DOCK8: variants seen among roughly 807,000 people sequenced by gnomAD.
DOCK8 encodes the protein dedicator of cytokinesis 8, also known as dedicator of cytokinesis protein 8.
In DOCK8, 141 loss-of-function variants were observed where a neutral mutation model predicts 245.6. The observed-to-expected ratio is 0.57, with a 90% CI of 0.50 to 0.66. The LOEUF is 0.66. Ranked by LOEUF, DOCK8 falls within the 30% of genes least tolerant of loss-of-function variation. The pLI, the probability that DOCK8 is intolerant of heterozygous loss-of-function variation, is 0.00. For missense variants in DOCK8, 2,965 were observed against 2,603.4 expected (o/e 1.14, Z -3.02); for synonymous variants, 1,168 against 970.2 (o/e 1.20, Z -3.79).
Position 289,590 on chromosome 9 carries a change from CT to C in DOCK8, c.404+16del, listed in dbSNP as rs727505303. On this transcript the variant is annotated intron_variant, in intron 4 of 47. Transcript: ENST00000432829. ...CTAATCGTGAACCGGAAGTAAGTTA[CT>C]TTTTTTCCACTTTTTGTATATAAAT... 0.032 allele frequency: 51,831 copies of C among 1,607,164 alleles called. 1,012 individuals are homozygous for C. Among genetic ancestry groups the C allele is most frequent in the South Asian group, 0.062 (5,584 of 89,526 alleles).
At chr9:319,615 C>T (rs1295139524) in intron 7 of DOCK8, among the ~76,000 whole-genome samples, 3 of 152,044 alleles carry the variant, frequency 2.0e-5, no homozygotes, top group Non-Finnish European at 4.4e-5. Context: ...TTCCCATTTA[C>T]ATTGATATGT....
intron 2 of DOCK8, among the ~76,000 whole-genome samples, chr9:272,502 C>T (rs7856826): frequency 0.037 from 5,601 of 152,220 alleles, 321 homozygotes; most frequent in African/African-American, 0.13. Context: ...CCTCCCACCT[C>T]ATCCTCCCAA....
chr9:280,835 T>C (rs1312801808), intron 2 of DOCK8: 1 of 152,210 alleles, frequency 6.6e-6, no homozygotes, highest in Admixed American at 6.5e-5. Context: ...TCTGAAAACA[T>C]ACTGGAAAGG....
chr9:223,206 A>G (rs764866387), intron 1 of DOCK8, among the ~76,000 whole-genome samples: 6 of 152,206 alleles, frequency 3.9e-5, no homozygotes, highest in Non-Finnish European at 8.8e-5. Flanking sequence ...AAATAGCTAA[A>G]CTGGAACTAA....
intron 24 of DOCK8, among the ~76,000 whole-genome samples, chr9:391,372 C>G (rs974182449): frequency 6.6e-5 from 10 of 152,192 alleles, no homozygotes; most frequent in Middle Eastern, 6.8e-3. Flanking sequence ...GGATTTGGGT[C>G]TCTCTTGTGT....
chr9:312,877 G>T (rs753295260), intron 6 of DOCK8: 19 of 179,316 alleles, frequency 1.1e-4, no homozygotes, highest in Non-Finnish European at 1.7e-4. Flanking sequence ...ACACTTCTGG[G>T]TCTTGCCAGA....
At chr9:379,366 G>C (rs1401412867) in intron 20 of DOCK8, among the ~76,000 whole-genome samples, 1 of 152,112 alleles carries the variant, frequency 6.6e-6, no homozygotes, top group African/African-American at 2.4e-5. Flanking sequence ...ATCTTGTAAA[G>C]ATGCAGAACC....
Position 303,331 on chromosome 9 carries a change from C to T in DOCK8, c.405-1250C>T, listed in dbSNP as rs570882927. Among the ~76,000 whole-genome samples, 7 of 152,308 alleles carry T rather than the reference C, an allele frequency of 4.6e-5. No homozygotes were observed. In the South Asian group the frequency reaches 1.4e-3, roughly 32 times the overall value. ...AATTGTTCTACAAAAACGACACATG[C>T]ACTCGTATGTTCCTCACAGCACAAT... On this transcript the variant is annotated intron_variant, in intron 4 of 47. Transcript: ENST00000432829.
rs1564082704 is a variant in DOCK8, at chr9:449,944, GT to G, written c.5961+18del. On this transcript the variant is annotated intron_variant, in intron 45 of 47. Coordinates refer to ENST00000432829, the MANE Select transcript of DOCK8 (RefSeq NM_203447.4). The stretch of plus-strand genomic sequence containing the variant: ...GTAAATCAGGTAAGCAAAACCAGAG[GT>G]GGCAGCTCCTCTGGTTCTTATTATT... 1.1e-5 allele frequency: 18 copies of G among 1,613,454 alleles called. No individual in the cohort carries two copies. The highest frequency in any genetic ancestry group is 1.5e-5 in the Non-Finnish European group (18 of 1,179,886).
chr9:372,228 A>G lies in DOCK8; in HGVS notation c.2051A>G (p.Tyr684Cys), dbSNP rs2053319932. 6.2e-7 allele frequency: 1 copy of G among 1,614,140 alleles called. No homozygotes were observed. Among genetic ancestry groups the G allele is most frequent in the East Asian group, 2.2e-5 (1 of 44,882 alleles). Reference sequence around the variant, plus strand: ...AATGAACGTCTTCAAACTGGATCCTACTGTCTCCCAGTTGCCTTGGAAAAA... The same window carrying G: ...AATGAACGTCTTCAAACTGGATCCTGCTGTCTCCCAGTTGCCTTGGAAAAA... ...LLNERLQTGS[Y>C]CLPVALEKLP... The change falls in exon 18 of 48, where the codon TAC (tyrosine) becomes TGC (cysteine). Residue 684 changes from tyrosine to cysteine, a missense_variant. By Grantham distance (194) the Tyr-to-Cys change is radical (BLOSUM62 -2). Around this residue, in one of 3 missense-constraint regions of DOCK8, gnomAD observed 2,825 missense variants for 2,453.5 expected, o/e 1.15. Coordinates refer to ENST00000432829, the MANE Select transcript of DOCK8 (RefSeq NM_203447.4).
At chr9:314,305 A>T (rs560742503) in intron 6 of DOCK8, 1 of 152,248 alleles carries the variant, frequency 6.6e-6, no homozygotes, top group South Asian at 2.1e-4. Context: ...TGTGATGGAG[A>T]TGCCAACATG....
At chr9:398,967 G>C (rs1182200179) in intron 25 of DOCK8, among the ~76,000 whole-genome samples, 179 bp from the exon 26 acceptor site, 1 of 152,164 alleles carries the variant, frequency 6.6e-6, no homozygotes, top group Non-Finnish European at 1.5e-5. Flanking sequence ...ATAATTACTT[G>C]ATTCAACCTC....
chr9:381,073 C>T (rs1304413322), intron 21 of DOCK8: 2 of 152,248 alleles, frequency 1.3e-5, no homozygotes, highest in Admixed American at 6.5e-5. Flanking sequence ...TGCACTCCAG[C>T]CTGGGAAACA....
rs376981662 is a variant in DOCK8, at chr9:416,361, C to G, written c.3700+1410C>G. On this transcript the variant is annotated intron_variant, in intron 29 of 47. Transcript: ENST00000432829. ...TAAAAAGTTCCATTTCAAGAGCTTGCTTGTTCCCAAAGCCAGGAACCACTT... is the reference window on the plus strand; with the variant it reads ...TAAAAAGTTCCATTTCAAGAGCTTGGTTGTTCCCAAAGCCAGGAACCACTT... Among the ~76,000 whole-genome samples, 21 of 152,344 alleles carry G rather than the reference C, an allele frequency of 1.4e-4. 1 individual carries two copies. The South Asian group carries it at 4.1e-3, about 30-fold the overall frequency.
chr9:372,943 T>C (rs756800055), intron 18 of DOCK8, among the ~76,000 whole-genome samples: 2 of 152,100 alleles, frequency 1.3e-5, no homozygotes, highest in Non-Finnish European at 2.9e-5. Context: ...GGCAGGCAGA[T>C]CACTTGAGGT....
intron 1 of DOCK8, among the ~76,000 whole-genome samples, chr9:229,555 T>A (rs2131367358): frequency 6.6e-6 from 1 of 152,256 alleles, no homozygotes; most frequent in South Asian, 2.1e-4. Flanking sequence ...GCCTGAAAAT[T>A]GCCACATGTC....
At chr9:250,274 G>A (rs943575307) in intron 1 of DOCK8, among the ~76,000 whole-genome samples, 5 of 152,132 alleles carry the variant, frequency 3.3e-5, no homozygotes, top group African/African-American at 9.7e-5. Context: ...TAAATTAATT[G>A]CTTTGTAGAA....
intron 1 of DOCK8, among the ~76,000 whole-genome samples, chr9:221,788 C>T (rs2046888753): frequency 6.6e-6 from 1 of 151,586 alleles, no homozygotes; most frequent in Non-Finnish European, 1.5e-5. Flanking sequence ...CACCACTGCA[C>T]TCCAGCCTGG....
Position 382,779 on chromosome 9 carries a change from G to T in DOCK8, c.2778+94G>T. 2.0e-6 allele frequency: 3 copies of T among 1,490,470 alleles called. No individual in the cohort carries two copies. In the South Asian group the frequency reaches 3.6e-5, roughly 18 times the overall value. The allele number at this position is 1,490,470 out of a possible 1,614,324, so 92.3% of individuals were successfully genotyped here. A position where few individuals can be genotyped will look rare whatever the true frequency, so the allele number is the denominator to read the frequency against. On this transcript the variant is annotated intron_variant, in intron 22 of 47. Transcript: ENST00000432829. ...TAACACAGAAGCAACCACTACTGCT[G>T]CCCACCATGCTGGTCGGATGCTTTA...
Sources: allele counts gnomAD v4.1 joint callset (sites outside exome capture counted in the v4.1 genomes callset), GRCh38; gene constraint gnomAD v4.1.1; regional missense constraint gnomAD v4.1.1; transcripts MANE v1.5; gene names NCBI Gene and HGNC (gene_info 2026-07-23, HGNC 2026-07-21).